The following MZT1 variants were observed in gnomAD, a reference collection of about 807,000 sequenced individuals.
MZT1 encodes mitotic-spindle organizing protein 1.
In MZT1, 8 loss-of-function variants were observed where a neutral mutation model predicts 8.5. The observed-to-expected ratio is 0.94, with a 90% confidence interval of 0.55 to 1.70. The LOEUF is 1.70. Ranked by LOEUF, MZT1 falls within the 40% of genes most tolerant of loss-of-function variation. MZT1 has a pLI of 0.00. For synonymous variants in MZT1, 38 were observed against 42.0 expected, an observed-to-expected ratio of 0.90 and a Z score of 0.37; for missense variants, 93 against 108.6, an observed-to-expected ratio of 0.86 and a Z score of 0.64.
At chr13:72,716,980 C>G (rs755262077) in intron 2 of MZT1, among the ~76,000 whole-genome samples, 27 of 152,138 alleles carry the variant, frequency 1.8e-4, no homozygotes, top group Non-Finnish European at 2.4e-4. Context: ...AATCTGATAG[C>G]CTTCTTTCAC....
intron 1 of MZT1, among the ~76,000 whole-genome samples, chr13:72,724,541 T>TC (rs1261732398): frequency 3.0e-5 from 4 of 133,920 alleles, no homozygotes; most frequent in Non-Finnish European, 3.1e-5. Flanking sequence ...TATAACGTGT[T>TC]TTTTTTTTTT....
At chr13:72,726,503 T>C (rs2032660153) in intron 1 of MZT1, among the ~76,000 whole-genome samples, 1 of 152,084 alleles carries the variant, frequency 6.6e-6, no homozygotes, top group Non-Finnish European at 1.5e-5. Flanking sequence ...GGTTATCTTT[T>C]AACAGAGACG....
chr13:72,720,369 G>T (rs962445680), intron 1 of MZT1, among the ~76,000 whole-genome samples: 1 of 152,082 alleles, frequency 6.6e-6, no homozygotes, highest in Non-Finnish European at 1.5e-5. Context: ...TTATTCTTCG[G>T]ATGAACTGAA....
chr13:72,721,148 C>A (rs1334894988), intron 1 of MZT1, among the ~76,000 whole-genome samples: 1 of 151,984 alleles, frequency 6.6e-6, no homozygotes, highest in Non-Finnish European at 1.5e-5. Context: ...ACTTAGGTAC[C>A]GGATAGTTTT....
intron 1 of MZT1, 92 bp downstream of exon 1, chr13:72,727,432 G>T: frequency 7.9e-7 from 1 of 1,273,616 alleles, no homozygotes. Context: ...GGGGCACTAA[G>T]GGGACCTGAA....
At position 72,709,032 on chromosome 13, in the gene MZT1, G is replaced by T. The variant is rs1396151241; in HGVS notation, c.*1290C>A. 2 of 151,836 alleles carry T rather than the reference G, an allele frequency of 1.3e-5. No individual in the cohort carries two copies. Among genetic ancestry groups the T allele is most frequent in the Non-Finnish European group, 2.9e-5 (2 of 67,898 alleles). The allele number at this position is 151,836 out of a possible 1,614,324, so 9.4% of individuals were successfully genotyped here. ...TAGTTTTGCAAAAAAACTCCACTGA[G>T]ATTCTATTACAGGAACAGAATCAAT... On this transcript the variant is annotated 3_prime_UTR_variant, in exon 3 of 3. Transcript: ENST00000377818.
At position 72,708,450 on chromosome 13, in the gene MZT1, ATTAC is replaced by A. The variant is rs999270657; in HGVS notation, c.*1868_*1871del. ...CATTATTTTGTTTAGTTTCTTAAAT[ATTAC>A]TTAAGTATGCATTAAAAATATGTTT... On this transcript the variant is annotated 3_prime_UTR_variant, in exon 3 of 3. Coordinates refer to ENST00000377818, the MANE Select transcript of MZT1 (RefSeq NM_001071775.3). 7.9e-5 allele frequency: 12 copies of A among 152,584 alleles called. No individual in the cohort carries two copies. Among genetic ancestry groups the A allele is most frequent in the Admixed American group, 2.6e-4 (4 of 15,278 alleles). 9.5% of individuals were successfully genotyped at this position (152,584 alleles called of 1,614,324 possible).
chr13:72,717,146 G>A lies in MZT1; in HGVS notation c.225+1806C>T, dbSNP rs967647068. Reference sequence around the variant, plus strand: ...GAATTTTCTAAATTCTCAGATGCTAGTTCCTTTTCTCTTAGCAGGTCCTTA... The same window carrying A: ...GAATTTTCTAAATTCTCAGATGCTAATTCCTTTTCTCTTAGCAGGTCCTTA... On this transcript the variant is annotated intron_variant, in intron 2 of 2. Coordinates refer to ENST00000377818, the MANE Select transcript of MZT1 (RefSeq NM_001071775.3). Among the ~76,000 whole-genome samples the A allele has an allele frequency of 3.9e-5, 6 of 152,282 alleles. No homozygotes were observed. In the East Asian group the frequency reaches 1.2e-3, roughly 29 times the overall value.
chr13:72,715,051 G>A (rs2032521612), intron 2 of MZT1, among the ~76,000 whole-genome samples: 1 of 152,214 alleles, frequency 6.6e-6, no homozygotes, highest in Non-Finnish European at 1.5e-5. Flanking sequence ...AAAAGCTGCA[G>A]ACACTCAACA....
Position 72,710,354 on chromosome 13 carries a change from A to T in MZT1, c.226-9T>A. The T allele has an allele frequency of 6.2e-7, 1 of 1,613,002 alleles. No homozygotes were observed. The highest frequency in any genetic ancestry group is 8.5e-7 in the Non-Finnish European group (1 of 1,179,160). On this transcript the variant is annotated splice_polypyrimidine_tract_variant and intron_variant, in intron 2 of 2. Transcript: ENST00000377818. Reference sequence around the variant, plus strand: ...GTCATATTTTCAGCAGCCTAGAACAAGAAAGTAAGATTCATTACAATAAAA... The same window carrying T: ...GTCATATTTTCAGCAGCCTAGAACATGAAAGTAAGATTCATTACAATAAAA...
chr13:72,721,299 G>T (rs1463478222), intron 1 of MZT1, among the ~76,000 whole-genome samples: 1 of 152,154 alleles, frequency 6.6e-6, no homozygotes, highest in Non-Finnish European at 1.5e-5. Context: ...TATGATTGAG[G>T]TAAGAATTCT....
chr13:72,717,094 C>A (rs1196941992), intron 2 of MZT1, among the ~76,000 whole-genome samples: 2 of 152,310 alleles, frequency 1.3e-5, no homozygotes, highest in Non-Finnish European at 1.5e-5. Context: ...AGCCCTGTCT[C>A]CAGAACATGT....
intron 2 of MZT1, among the ~76,000 whole-genome samples, chr13:72,710,588 A>T (rs2032479486): frequency 6.6e-6 from 1 of 152,156 alleles, no homozygotes; most frequent in African/African-American, 2.4e-5. Flanking sequence ...AATAATAGTT[A>T]AGAGCACAAA....
At chr13:72,715,806 C>A (rs1243186044) in intron 2 of MZT1, among the ~76,000 whole-genome samples, 1 of 152,132 alleles carries the variant, frequency 6.6e-6, no homozygotes, top group African/African-American at 2.4e-5. Flanking sequence ...ATGATTGTAA[C>A]CTTCCTAAGG....
intron 1 of MZT1, among the ~76,000 whole-genome samples, chr13:72,725,210 A>C (rs1296796527): frequency 6.6e-6 from 1 of 152,180 alleles, no homozygotes; most frequent in Non-Finnish European, 1.5e-5. Flanking sequence ...GTTGAAAAGC[A>C]AAAGAGGCAA....
chr13:72,726,761 A>AAC (rs2032666454), intron 1 of MZT1, among the ~76,000 whole-genome samples: 2 of 151,554 alleles, frequency 1.3e-5, no homozygotes, highest in Middle Eastern at 3.4e-3. Context: ...AAAAAAAAAA[A>AAC]ACTAAACAGG....
intron 1 of MZT1, among the ~76,000 whole-genome samples, chr13:72,724,914 T>C (rs2032631551): frequency 6.8e-6 from 1 of 148,126 alleles, no homozygotes; most frequent in South Asian, 2.1e-4. Flanking sequence ...TAGCTGGGCG[T>C]GGTGGCGGGC....
At chr13:72,713,681 C>T (rs2032508732) in intron 2 of MZT1, among the ~76,000 whole-genome samples, 2 of 152,132 alleles carry the variant, frequency 1.3e-5, no homozygotes, top group Admixed American at 1.3e-4. Context: ...GGATGCAGAA[C>T]CCACAAATAC....
At chr13:72,724,393 A>T (rs1157841804) in intron 1 of MZT1, among the ~76,000 whole-genome samples, 1 of 151,976 alleles carries the variant, frequency 6.6e-6, no homozygotes, top group Non-Finnish European at 1.5e-5. Context: ...GAGGTGAGAA[A>T]GCAAGACTGA....
Sources: gnomAD v4.1 joint callset for allele counts (sites outside exome capture counted in the v4.1 genomes callset) on GRCh38, gnomAD v4.1.1 for gene constraint, MANE v1.5 for transcripts, NCBI Gene and HGNC (gene_info 2026-07-23, HGNC 2026-07-21) for gene names.